The following ANK2 variants were observed in gnomAD, a reference collection of about 807,000 sequenced individuals.
ANK2 encodes the protein ankyrin 2, also known as ankyrin-2.
Under a neutral mutation model 360.5 loss-of-function variants are expected in ANK2, and 83 were observed. The observed-to-expected ratio is 0.23, with a 90% CI of 0.19 to 0.28. The LOEUF is 0.28. ANK2 is among the 10% of genes least tolerant of loss of function. ANK2 has a pLI of 1.00. For synonymous variants in ANK2, 1,740 were observed against 1,759.5 expected (o/e 0.99, Z 0.28); for missense variants, 4,201 against 4,795.7 (o/e 0.88, Z 3.66).
chr4:112,782,244 T>C, the ANK2 span, among the ~76,000 whole-genome samples: 2 of 152,190 alleles, frequency 1.3e-5, no homozygotes, highest in Admixed American at 1.3e-4. Context: ...GGGATGGGAA[T>C]AGAAGTGAAA....
At chr4:112,835,058 C>T (rs993168035) in intron 1 of ANK2, among the ~76,000 whole-genome samples, 3 of 152,160 alleles carry the variant, frequency 2.0e-5, no homozygotes, top group Non-Finnish European at 4.4e-5. Flanking sequence ...ACCCATATTT[C>T]TCATGTTTCA....
chr4:113,063,090 A>G (rs891015406), intron 1 of ANK2, among the ~76,000 whole-genome samples: 1 of 152,104 alleles, frequency 6.6e-6, no homozygotes, highest in Admixed American at 6.6e-5. Context: ...AAAGTTGAAT[A>G]TGACATTTAG....
At chr4:113,323,061 G>GTT (rs2087290390) in intron 26 of ANK2, among the ~76,000 whole-genome samples, 1 of 152,138 alleles carries the variant, frequency 6.6e-6, no homozygotes, top group Non-Finnish European at 1.5e-5. Flanking sequence ...AGAATCTTGT[G>GTT]AAAGCTTATG....
chr4:112,732,853 G>T, the ANK2 span, among the ~76,000 whole-genome samples: 3 of 151,800 alleles, frequency 2.0e-5, no homozygotes, highest in Non-Finnish European at 2.9e-5. Flanking sequence ...AGGCTGAGGC[G>T]GGGGGATCAC....
At chr4:112,904,681 G>A (rs2084605457) in intron 2 of ANK2, among the ~76,000 whole-genome samples, 1 of 152,030 alleles carries the variant, frequency 6.6e-6, no homozygotes, top group South Asian at 2.1e-4. Flanking sequence ...TATACTATAA[G>A]ACTTTTCTTT....
chr4:113,183,973 T>C (rs1364985293), intron 2 of ANK2, among the ~76,000 whole-genome samples: 1 of 150,474 alleles, frequency 6.6e-6, no homozygotes, highest in Non-Finnish European at 1.5e-5. Flanking sequence ...AAAAGAGTGG[T>C]GAGAAGCAAG....
the ANK2 span, among the ~76,000 whole-genome samples, chr4:112,801,079 G>A: frequency 6.6e-6 from 1 of 152,194 alleles, no homozygotes; most frequent in Non-Finnish European, 1.5e-5. Context: ...TAACTCTATA[G>A]TGACATTACT....
intron 8 of ANK2, 55 bp downstream of exon 8, chr4:113,240,638 A>T (rs538470141): frequency 1.8e-4 from 260 of 1,475,188 alleles, no homozygotes; most frequent in South Asian, 2.8e-4. Context: ...TATTTTAATA[A>T]AGTAAAAAGG....
intron 2 of ANK2, among the ~76,000 whole-genome samples, chr4:112,968,043 C>G (rs2038008609): frequency 1.3e-5 from 2 of 152,166 alleles, no homozygotes; most frequent in African/African-American, 2.4e-5. Flanking sequence ...CCCCCAACCT[C>G]TCACCTTTTT....
chr4:112,943,392 GTCAATAAACAAT>G (rs1286094684), intron 2 of ANK2, among the ~76,000 whole-genome samples: 1 of 151,692 alleles, frequency 6.6e-6, no homozygotes, highest in Non-Finnish European at 1.5e-5. Context: ...TATGGGCAGT[GTCAATAAACAAT>G]TTACTCTGAA....
At chr4:112,976,839 A>G (rs1395765395) in intron 2 of ANK2, among the ~76,000 whole-genome samples, 1 of 152,138 alleles carries the variant, frequency 6.6e-6, no homozygotes, top group Non-Finnish European at 1.5e-5. Flanking sequence ...TTTACCCACA[A>G]TGCAGAGATG....
intron 2 of ANK2, among the ~76,000 whole-genome samples, chr4:112,943,087 C>G (rs2094341148): frequency 6.6e-6 from 1 of 152,042 alleles, no homozygotes; most frequent in African/African-American, 2.4e-5. Context: ...AGCCCTTAAT[C>G]TTTCTTTTTC....
At chr4:112,713,932 T>C in the ANK2 span, among the ~76,000 whole-genome samples, 1 of 79,732 alleles carries the variant, frequency 1.3e-5, no homozygotes, top group African/African-American at 6.4e-5. Flanking sequence ...AGACTCCGTC[T>C]CAAAAAAAAA....
intron 1 of ANK2, 50 bp from the exon 2 acceptor site, chr4:113,174,366 C>T (rs781510145): frequency 6.3e-6 from 9 of 1,438,846 alleles, no homozygotes; most frequent in South Asian, 2.4e-5. Context: ...GTATTGGATA[C>T]ATTTCTATTT....
chr4:112,773,960 C>T, the ANK2 span, among the ~76,000 whole-genome samples: 9 of 151,830 alleles, frequency 5.9e-5, no homozygotes, highest in Admixed American at 3.3e-4. Flanking sequence ...GCCACCATGC[C>T]CAGCTAATTT....
At chr4:113,359,320 T>C (rs2096049706) in intron 38 of ANK2, 21 bp downstream of exon 38, 2 of 1,612,688 alleles carry the variant, frequency 1.2e-6, no homozygotes, top group African/African-American at 2.7e-5. Context: ...GCCACCGGGA[T>C]TCCCTGTGCT....
intron 14 of ANK2, among the ~76,000 whole-genome samples, chr4:113,266,205 T>C (rs2055945291): frequency 2.0e-5 from 3 of 152,128 alleles, no homozygotes; most frequent in Middle Eastern, 3.4e-3. Flanking sequence ...GAACATGCAG[T>C]GTTTGGTTTT....
chr4:112,892,638 C>T (rs532596189), intron 1 of ANK2, among the ~76,000 whole-genome samples: 1 of 152,136 alleles, frequency 6.6e-6, no homozygotes, highest in East Asian at 1.9e-4. Flanking sequence ...GTCCTGTTTA[C>T]CAGCTCTAGA....
At position 113,049,770 on chromosome 4, in the gene ANK2, G is replaced by T. The variant is rs983314290; in HGVS notation, c.42G>T (p.Glu14Asp). 9 of 1,613,726 alleles carry T rather than the reference G, an allele frequency of 5.6e-6. No homozygotes were observed. Among genetic ancestry groups the T allele is most frequent in the Non-Finnish European group, 5.9e-6 (7 of 1,179,832 alleles). The change falls in exon 1 of 46, where the codon GAG (glutamate) becomes GAT (aspartate). Residue 14 changes from glutamate (E) to aspartate (D), a missense_variant. By Grantham distance (45) the Glu-to-Asp change is conservative (BLOSUM62 2). Transcript: ENST00000357077. ...EDAAQKSDSGEKFNGSSQRRK... is the reference protein window; with the variant it reads ...EDAAQKSDSGDKFNGSSQRRK... The stretch of plus-strand genomic sequence containing the variant: ...CAGCTCAGAAAAGCGACAGTGGAGA[G>T]AAGTTCAACGGCAGTAGTCAGAGGA...
Sources: gnomAD v4.1 joint callset for allele counts (sites outside exome capture counted in the v4.1 genomes callset) on GRCh38, gnomAD v4.1.1 for gene constraint, MANE v1.5 for transcripts, NCBI Gene and HGNC (gene_info 2026-07-23, HGNC 2026-07-21) for gene names.